The following UPP2 variants were observed in gnomAD, a reference collection of about 807,000 sequenced individuals.
UPP2 encodes the protein uridine phosphorylase 2, also known as UPase 2.
Under a neutral mutation model 26.7 loss-of-function variants are expected in UPP2, and 23 were observed. That is an observed-to-expected ratio of 0.86 (90% CI 0.62 to 1.22). UPP2 has a LOEUF of 1.22. Among genes scored for constraint, UPP2 ranks in the 50% most tolerant of loss-of-function variants. UPP2 has a pLI of 0.00. For synonymous variants in UPP2, 127 were observed against 141.3 expected (o/e 0.90, Z 0.72); for missense variants, 387 against 396.7 (o/e 0.98, Z 0.21).
At chr2:158,051,157 ATGTGTGTGTGTGTG>A (rs57745839) in intron 3 of UPP2, among the ~76,000 whole-genome samples, 115 of 144,930 alleles carry the variant, frequency 7.9e-4, no homozygotes, top group Middle Eastern at 3.5e-3. Context: ...CTCTAGGAAT[ATGTGTGTGTGTGTG>A]TGTGTGTGTG....
intron 3 of UPP2, among the ~76,000 whole-genome samples, chr2:158,061,919 TGTG>T (rs1267643287): frequency 6.6e-6 from 1 of 152,244 alleles, no homozygotes; most frequent in Non-Finnish European, 1.5e-5. Context: ...TACTGAGGCA[TGTG>T]GGAACTTTTG....
rs746924197 is a variant in UPP2 at position 158,117,935 on chromosome 2, A to G, written c.451A>G (p.Ile151Val). ...TIIRIGTSGG[I>V]GIAPGTVVIT... The stretch of plus-strand genomic sequence containing the variant: ...TATTAGAATCGGTACATCAGGGGGA[A>G]TAGGTGAGACGGATTGATGTCTACT... Residue 151 changes from isoleucine to valine, a missense_variant, in exon 4 of 7, where the codon ATA becomes GTA. Ile to Val is a conservative substitution (Grantham distance 29). Transcript: ENST00000005756. 4.4e-6 allele frequency: 7 copies of G among 1,605,802 alleles called. No individual in the cohort carries two copies. In the South Asian group the frequency reaches 4.4e-5, roughly 10 times the overall value.
chr2:158,089,123 T>C lies in UPP2; in HGVS notation c.148-12917T>C, dbSNP rs866719019. Reference sequence around the variant, plus strand: ...TCAGGTGGGGGCAGGGTTAGGTGTGTCTGAGCTCTGAGTCTCCTTGTGGGG... The same window carrying C: ...TCAGGTGGGGGCAGGGTTAGGTGTGCCTGAGCTCTGAGTCTCCTTGTGGGG... On this transcript the variant is annotated intron_variant, in intron 3 of 9. Coordinates refer to the UPP2 transcript ENST00000605860. 2.0e-5 allele frequency among the ~76,000 whole-genome samples: 3 copies of C among 152,128 alleles called. No homozygotes were observed. The South Asian group carries it at 6.2e-4, about 32-fold the overall frequency.
chr2:158,067,639 C>A (rs1030155861), intron 3 of UPP2, among the ~76,000 whole-genome samples: 5 of 106,456 alleles, frequency 4.7e-5, no homozygotes, highest in African/African-American at 2.3e-4. Flanking sequence ...TGCCAGATTC[C>A]AAGTTTTTAC....
chr2:158,004,650 C>A (rs1339836659), intron 2 of UPP2, among the ~76,000 whole-genome samples: 2 of 152,186 alleles, frequency 1.3e-5, no homozygotes. Context: ...GGATAAGAAA[C>A]AAGTAAACGC....
chr2:158,009,611 C>T (rs1165979394), intron 2 of UPP2, among the ~76,000 whole-genome samples: 1 of 152,222 alleles, frequency 6.6e-6, no homozygotes. Flanking sequence ...GGTCAAAGTA[C>T]TTTCTGCAGG....
In UPP2 at chr2:158,014,810, GT is replaced by G. The variant is rs1683634886; in HGVS notation, c.62-988del. Among the ~76,000 whole-genome samples the G allele has an allele frequency of 3.3e-5, 5 of 152,230 alleles. No homozygotes were observed. The South Asian group carries it at 1.0e-3, about 32-fold the overall frequency. On this transcript the variant is annotated intron_variant, in intron 2 of 9. Coordinates refer to the UPP2 transcript ENST00000605860. ...CATAACAAAACACCCAAATCATTCA[GT>G]TTCCTAGGGAAATTTGGTTCTAAGC... is the stretch of plus-strand genomic sequence containing the variant.
chr2:158,003,574 G>A (rs1683442168), intron 2 of UPP2, among the ~76,000 whole-genome samples: 1 of 152,030 alleles, frequency 6.6e-6, no homozygotes. Context: ...CAGGTGTGGT[G>A]GTGTGTGCTT....
intron 3 of UPP2, among the ~76,000 whole-genome samples, chr2:158,082,582 G>A (rs564587346): frequency 3.9e-5 from 6 of 152,014 alleles, no homozygotes; most frequent in Non-Finnish European, 5.9e-5. Flanking sequence ...AGACTTAAAC[G>A]TAAGACCTAA....
intron 2 of UPP2, chr2:158,015,678 A>G (rs1436032943): frequency 1.5e-5 from 6 of 406,874 alleles, no homozygotes; most frequent in Non-Finnish European, 2.5e-5. Flanking sequence ...TGACTGAATC[A>G]TGGGGCAGAC....
chr2:158,025,567 G>T (rs1683821119), intron 3 of UPP2, among the ~76,000 whole-genome samples: 2 of 152,234 alleles, frequency 1.3e-5, no homozygotes, highest in Admixed American at 6.5e-5. Flanking sequence ...CACTGGCAAG[G>T]TCACTGCCAG....
At chr2:158,077,446 C>A (rs1316667514) in intron 3 of UPP2, among the ~76,000 whole-genome samples, 1 of 152,016 alleles carries the variant, frequency 6.6e-6, no homozygotes, top group African/African-American at 2.4e-5. Context: ...AAAACAGACA[C>A]ATAGACCAAT....
upstream of UPP2, among the ~76,000 whole-genome samples, chr2:158,097,655 G>C (rs1479908602): frequency 6.6e-6 from 1 of 152,186 alleles, no homozygotes; most frequent in Non-Finnish European, 1.5e-5. Flanking sequence ...CAGGGCCTCA[G>C]CATGGGTCAG....
intron 3 of UPP2, among the ~76,000 whole-genome samples, chr2:158,051,191 GTGTGTGTA>G (rs1335417598): frequency 1.0e-4 from 15 of 147,250 alleles, no homozygotes; most frequent in African/African-American, 3.8e-4. Flanking sequence ...GTGTGTGTGT[GTGTGTGTA>G]TGTGTGTATA....
At chr2:158,030,013 T>C (rs538277019) in intron 3 of UPP2, among the ~76,000 whole-genome samples, 1 of 152,198 alleles carries the variant, frequency 6.6e-6, no homozygotes, top group Non-Finnish European at 1.5e-5. Flanking sequence ...AAAAGGGAAG[T>C]AGTTGTATTG....
At chr2:158,062,579 C>T (rs1436441647) in intron 3 of UPP2, among the ~76,000 whole-genome samples, 1 of 152,196 alleles carries the variant, frequency 6.6e-6, no homozygotes, top group East Asian at 1.9e-4. Context: ...GCACTATCTA[C>T]CCTACCCCAA....
intron 3 of UPP2, among the ~76,000 whole-genome samples, chr2:158,045,146 C>T (rs982897567): frequency 1.8e-4 from 28 of 152,132 alleles, no homozygotes; most frequent in African/African-American, 6.0e-4. Flanking sequence ...GCTTGAAAAC[C>T]AGGCTTAGAT....
chr2:158,123,851 A>G lies in UPP2; in HGVS notation c.767A>G (p.Glu256Gly). Residue 256 changes from glutamate (E) to glycine (G), a missense_variant, in exon 6 of 7, where the codon GAA (glutamate) becomes GGA (glycine). Glu to Gly is a moderately conservative substitution (Grantham distance 98). Transcript: ENST00000005756. ...FKAGVRNIEM[E>G]STVFAAMCGL... ...GCTGGTGTCAGGAATATTGAAATGG[A>G]ATCTACAGTGTTTGCAGCTATGTGT... The G allele has an allele frequency of 6.2e-7, 1 of 1,614,102 alleles. No homozygotes were observed. The highest frequency in any genetic ancestry group is 1.3e-5 in the African/African-American group (1 of 75,052).
chr2:158,083,198 A>G (rs1453404464), intron 3 of UPP2, among the ~76,000 whole-genome samples: 1 of 152,184 alleles, frequency 6.6e-6, no homozygotes, highest in East Asian at 1.9e-4. Flanking sequence ...CAGCAATCCC[A>G]TTACTGGGTA....
Sources: allele counts gnomAD v4.1 joint callset (sites outside exome capture counted in the v4.1 genomes callset), GRCh38; gene constraint gnomAD v4.1.1; transcripts MANE v1.5; gene names NCBI Gene and HGNC (gene_info 2026-07-23, HGNC 2026-07-21).